Variants in CADM2 observed in about 807,000 individuals in gnomAD.
CADM2 encodes the protein immunoglobulin superfamily member 4D.
A neutral mutation model predicts 49.8 loss-of-function variants in CADM2; 12 were observed. The ratio of observed to expected loss-of-function variants is 0.24; its 90% confidence interval spans 0.15 to 0.39. CADM2 has a LOEUF of 0.39. Among genes scored for constraint, CADM2 ranks in the 10% least tolerant of loss-of-function variants. The pLI is 1.00. For missense variants in CADM2, 378 were observed against 492.3 expected (o/e 0.77, Z 2.20); for synonymous variants, 214 against 175.4 (o/e 1.22, Z -1.74).
intron 5 of CADM2, among the ~76,000 whole-genome samples, chr3:85,899,925 G>A (rs1018430557): frequency 6.6e-6 from 1 of 151,996 alleles, no homozygotes; most frequent in African/African-American, 2.4e-5. Flanking sequence ...ATGGATGTCT[G>A]GAGTCCACTC....
chr3:85,577,984 T>TTCCTTCCTTCCTTCCTTCCTTCC (rs2062685649), intron 1 of CADM2, among the ~76,000 whole-genome samples: 19 of 134,266 alleles, frequency 1.4e-4, no homozygotes, highest in African/African-American at 4.5e-4. Context: ...TATTAATCTC[T>TTCCTTCCTTCCTTCCTTCCTTCC]TTCCTTCCTT....
chr3:85,815,896 A>T (rs2108154561), intron 3 of CADM2, among the ~76,000 whole-genome samples: 1 of 152,294 alleles, frequency 6.6e-6, no homozygotes, highest in Non-Finnish European at 1.5e-5. Context: ...ACTTTAGCAA[A>T]GTTCAGGATA....
intron 1 of CADM2, among the ~76,000 whole-genome samples, chr3:85,179,431 GT>G (rs1293415523): frequency 1.3e-5 from 2 of 151,974 alleles, no homozygotes; most frequent in East Asian, 1.9e-4. Context: ...CTTTAAAGGG[GT>G]TTTTGGTTTT....
intron 6 of CADM2, among the ~76,000 whole-genome samples, chr3:85,933,955 A>C (rs1173466255): frequency 6.6e-6 from 1 of 152,088 alleles, no homozygotes; most frequent in Non-Finnish European, 1.5e-5. Flanking sequence ...CAGTCTACCA[A>C]CTTTAATGTT....
intron 1 of CADM2, among the ~76,000 whole-genome samples, chr3:85,212,812 C>CTATT (rs1275410284): frequency 8.8e-5 from 9 of 102,542 alleles, no homozygotes; most frequent in African/African-American, 3.3e-4. Context: ...TCTTTTTCTT[C>CTATT]TCTTTCTTTC....
At chr3:85,710,897 G>A (rs1295919988) in intron 1 of CADM2, among the ~76,000 whole-genome samples, 1 of 152,030 alleles carries the variant, frequency 6.6e-6, no homozygotes, top group African/African-American at 2.4e-5. Context: ...ACCTTTGATG[G>A]TACCTTCTAA....
chr3:85,102,477 C>T (rs1463962111), intron 1 of CADM2, among the ~76,000 whole-genome samples: 1 of 152,124 alleles, frequency 6.6e-6, no homozygotes, highest in Non-Finnish European at 1.5e-5. Context: ...TTTTTAACCT[C>T]TAGCTGATCT....
chr3:85,217,178 A>G (rs1372014261), intron 1 of CADM2, among the ~76,000 whole-genome samples: 2 of 151,886 alleles, frequency 1.3e-5, no homozygotes, highest in African/African-American at 4.8e-5. Context: ...CTATGGAAAT[A>G]TCTTTATTTT....
chr3:85,353,375 C>T (rs1418672744), intron 1 of CADM2, among the ~76,000 whole-genome samples: 1 of 151,998 alleles, frequency 6.6e-6, no homozygotes, highest in Non-Finnish European at 1.5e-5. Context: ...TTCATGTTTA[C>T]CTTTGCTTTG....
intron 1 of CADM2, among the ~76,000 whole-genome samples, chr3:85,614,419 A>C (rs1164593099): frequency 6.6e-6 from 1 of 151,806 alleles, no homozygotes; most frequent in Non-Finnish European, 1.5e-5. Flanking sequence ...TCATTTGCAG[A>C]GAAAAATAAT....
intron 7 of CADM2, among the ~76,000 whole-genome samples, chr3:85,937,534 A>C (rs530888737): frequency 6.6e-6 from 1 of 152,108 alleles, no homozygotes; most frequent in African/African-American, 2.4e-5. Flanking sequence ...CCAAAGCCTT[A>C]ACTCTTTCTA....
At chr3:85,144,462 A>C (rs944652682) in intron 1 of CADM2, among the ~76,000 whole-genome samples, 1 of 152,018 alleles carries the variant, frequency 6.6e-6, no homozygotes, top group Non-Finnish European at 1.5e-5. Context: ...AAATACAAAA[A>C]TTAGCTGGTC....
Position 85,469,995 on chromosome 3 carries a change from G to A in CADM2, c.62-256527G>A, listed in dbSNP as rs532516344. Among the ~76,000 whole-genome samples the A allele has an allele frequency of 2.2e-4, 34 of 152,266 alleles. 1 individual carries two copies. Among genetic ancestry groups the A allele is most frequent in the African/African-American group, 6.5e-4 (27 of 41,560 alleles). On this transcript the variant is annotated intron_variant, in intron 1 of 9. Coordinates refer to ENST00000383699, the MANE Select transcript of CADM2 (RefSeq NM_001167675.2). Reference sequence around the variant, plus strand: ...AGGGGAGGTGATGCTGGAGGGAAGCGGAGTAGGAATTCAGCTGAGATGCTC... The same window carrying A: ...AGGGGAGGTGATGCTGGAGGGAAGCAGAGTAGGAATTCAGCTGAGATGCTC...
At chr3:84,967,665 T>G (rs1346755833) in intron 1 of CADM2, among the ~76,000 whole-genome samples, 1 of 152,052 alleles carries the variant, frequency 6.6e-6, no homozygotes, top group Non-Finnish European at 1.5e-5. Flanking sequence ...GCTACTGACT[T>G]GAAAGATCCA....
chr3:85,884,786 G>A (rs1302259070), intron 4 of CADM2, among the ~76,000 whole-genome samples: 4 of 147,740 alleles, frequency 2.7e-5, no homozygotes, highest in Non-Finnish European at 4.4e-5. Context: ...GTGCAGTGGC[G>A]CCATCTCAGC....
chr3:85,869,386 C>A (rs545735070), intron 3 of CADM2, among the ~76,000 whole-genome samples: 83 of 152,010 alleles, frequency 5.5e-4, no homozygotes, highest in African/African-American at 1.9e-3. Flanking sequence ...TTTTCAGATA[C>A]GATGTGTGAT....
chr3:85,405,897 C>T (rs1268220743), intron 1 of CADM2, among the ~76,000 whole-genome samples: 2 of 150,702 alleles, frequency 1.3e-5, no homozygotes, highest in Non-Finnish European at 3.0e-5. Context: ...GCCTGTGTGA[C>T]AGCGTGAGAC....
chr3:86,012,300 A>T (rs1206818913), intron 8 of CADM2, among the ~76,000 whole-genome samples: 1 of 152,222 alleles, frequency 6.6e-6, no homozygotes, highest in Non-Finnish European at 1.5e-5. Context: ...AGAATAACAT[A>T]TATGAAAAGA....
At chr3:85,974,960 A>G (rs983966412) in intron 8 of CADM2, among the ~76,000 whole-genome samples, 5 of 151,626 alleles carry the variant, frequency 3.3e-5, no homozygotes, top group African/African-American at 4.8e-5. Flanking sequence ...AGATATTTTC[A>G]TATCTTGGAA....
Sources: gnomAD v4.1 joint callset for allele counts (sites outside exome capture counted in the v4.1 genomes callset) on GRCh38, gnomAD v4.1.1 for gene constraint, MANE v1.5 for transcripts, NCBI Gene and HGNC (gene_info 2026-07-23, HGNC 2026-07-21) for gene names.